Variants in DLGAP2 observed in about 807,000 individuals in gnomAD.
The protein encoded by DLGAP2 is DLG associated protein 2.
Under a neutral mutation model 100.3 loss-of-function variants are expected in DLGAP2, and 26 were observed. That is an observed-to-expected ratio of 0.26 (90% confidence interval 0.19 to 0.36). The LOEUF is 0.36. DLGAP2 is among the 10% of genes least tolerant of loss of function. The pLI, the probability that DLGAP2 is intolerant of heterozygous loss-of-function variation, is 1.00. For synonymous variants in DLGAP2, 886 were observed against 630.1 expected (o/e 1.41, Z -6.08); for missense variants, 1,858 against 1,453.2 (o/e 1.28, Z -4.53).
chr8:747,698 C>A (rs538284328), intron 1 of DLGAP2, among the ~76,000 whole-genome samples: 1 of 78,108 alleles, frequency 1.3e-5, no homozygotes, highest in East Asian at 3.8e-4. Context: ...GTGGGATGGG[C>A]GGGTCTGTGG....
intron 2 of DLGAP2, among the ~76,000 whole-genome samples, chr8:1,208,844 C>G (rs1337426807): frequency 2.0e-5 from 3 of 151,126 alleles, no homozygotes; most frequent in African/African-American, 7.3e-5. Context: ...AGAACTCCAC[C>G]CCTTTACAAT....
intron 4 of DLGAP2, among the ~76,000 whole-genome samples, chr8:1,507,526 G>A (rs1281363311): frequency 6.6e-6 from 1 of 152,070 alleles, no homozygotes; most frequent in East Asian, 1.9e-4. Context: ...CTCCCCGCAA[G>A]CAGAGGGAGC....
chr8:1,312,400 C>A (rs1477101090), intron 3 of DLGAP2, among the ~76,000 whole-genome samples: 1 of 152,150 alleles, frequency 6.6e-6, no homozygotes, highest in East Asian at 1.9e-4. Flanking sequence ...AAATGACAGA[C>A]CACAGATTTG....
intron 5 of DLGAP2, among the ~76,000 whole-genome samples, chr8:1,560,708 T>G (rs769477133): frequency 1.2e-4 from 18 of 152,374 alleles, no homozygotes; most frequent in Non-Finnish European, 2.1e-4. Context: ...TCTTTATTCT[T>G]CCTTAGTCAT....
At chr8:1,605,744 C>T (rs967834883) in intron 6 of DLGAP2, among the ~76,000 whole-genome samples, 17 of 152,308 alleles carry the variant, frequency 1.1e-4, no homozygotes, top group Middle Eastern at 3.4e-3. Context: ...GGGGTGAGAA[C>T]CGAAGCCAGC....
At chr8:1,548,352 G>A (rs56265038) in intron 4 of DLGAP2, among the ~76,000 whole-genome samples, 78,113 of 147,920 alleles carry the variant, frequency 0.53, 20,918 homozygotes, top group African/African-American at 0.61. Flanking sequence ...CCAGCTACTC[G>A]GGAGGCTGAG....
chr8:873,551 A>G (rs1029296131), intron 1 of DLGAP2, among the ~76,000 whole-genome samples: 2 of 152,120 alleles, frequency 1.3e-5, no homozygotes, highest in African/African-American at 2.4e-5. Context: ...ATAATTCTCT[A>G]TATATAATTG....
chr8:1,686,588 C>T (rs1799121122), intron 12 of DLGAP2, among the ~76,000 whole-genome samples: 2 of 151,998 alleles, frequency 1.3e-5, no homozygotes, highest in African/African-American at 2.4e-5. Context: ...ACAGGAGAAT[C>T]GCTTGAACCT....
At chr8:1,488,218 GC>G (rs988219093) in intron 3 of DLGAP2, among the ~76,000 whole-genome samples, 1 of 152,032 alleles carries the variant, frequency 6.6e-6, no homozygotes, top group African/African-American at 2.4e-5. Flanking sequence ...CCACCCCCCT[GC>G]AAACTCCCAC....
chr8:810,925 G>C (rs1043594422), intron 1 of DLGAP2, among the ~76,000 whole-genome samples: 9 of 152,242 alleles, frequency 5.9e-5, no homozygotes, highest in Non-Finnish European at 4.4e-5. Context: ...AGAGGTGGCT[G>C]TGGTTGGATG....
intron 1 of DLGAP2, among the ~76,000 whole-genome samples, chr8:868,464 T>C (rs1338062027): frequency 6.6e-6 from 1 of 152,224 alleles, no homozygotes; most frequent in Admixed American, 6.5e-5. Context: ...AGAAGGTCCC[T>C]GGTTGGCGCA....
intron 3 of DLGAP2, among the ~76,000 whole-genome samples, chr8:1,343,482 G>C (rs1039245072): frequency 1.1e-4 from 17 of 152,198 alleles, no homozygotes; most frequent in Non-Finnish European, 1.9e-4. Context: ...CCCTCAGAGG[G>C]AAAACTGGCA....
Position 973,112 on chromosome 8 carries a change from G to A in DLGAP2, c.73+65146G>A, listed in dbSNP as rs185029428. On this transcript the variant is annotated intron_variant, in intron 2 of 14. Coordinates refer to ENST00000637795, the MANE Select transcript of DLGAP2 (RefSeq NM_001346810.2). ...AAAACCGCCATCGTCATCATGGCCC[G>A]TTCTCAATGAGCTGTTGGGTACACC... Among the ~76,000 whole-genome samples, 423 of 152,336 alleles carry A rather than the reference G, an allele frequency of 2.8e-3. 2 individuals carry two copies. Among genetic ancestry groups the A allele is most frequent in the African/African-American group, 9.3e-3 (385 of 41,572 alleles).
rs558644388 is a variant in DLGAP2 at position 1,320,221 on chromosome 8, A to C, written c.106+61338A>C. On this transcript the variant is annotated intron_variant, in intron 3 of 14. Coordinates refer to ENST00000637795, the MANE Select transcript of DLGAP2 (RefSeq NM_001346810.2). ...CCGGAAATGGGGAAGGGTAAGGATG[A>C]AATGATTTGCAGGGGAAAGTTATGT... is the stretch of plus-strand genomic sequence containing the variant. 2.0e-5 allele frequency among the ~76,000 whole-genome samples: 3 copies of C among 152,174 alleles called. No individual in the cohort carries two copies. In the South Asian group the frequency reaches 6.2e-4, roughly 32 times the overall value.
Position 1,683,952 on chromosome 8 carries a change from GTGTATATATATATATATATATA to G in DLGAP2, c.2704+5325_2704+5346del, listed in dbSNP as rs1393973109. On this transcript the variant is annotated intron_variant, in intron 12 of 14. Coordinates refer to ENST00000637795, the MANE Select transcript of DLGAP2 (RefSeq NM_001346810.2). Reference sequence around the variant, plus strand: ...TGTATATATGTGTATATATATATGTGTGTATATATATATATATATATATATATATATATATACTTTTTTTTTT... The same window carrying G: ...TGTATATATGTGTATATATATATGTGTATATATATATATACTTTTTTTTTT... 7.1e-3 allele frequency among the ~76,000 whole-genome samples: 145 copies of G among 20,340 alleles called. 8 individuals are homozygous for G. The highest frequency in any genetic ancestry group is 0.028 in the African/African-American group (134 of 4,834). 13.3% of individuals were successfully genotyped at this position (20,340 alleles called of 152,430 possible). A position where few individuals can be genotyped will look rare whatever the true frequency, so the allele number is the denominator to read the frequency against.
intron 6 of DLGAP2, among the ~76,000 whole-genome samples, chr8:1,603,270 C>G (rs992135499): frequency 1.3e-5 from 2 of 148,498 alleles, no homozygotes; most frequent in Non-Finnish European, 3.0e-5. Flanking sequence ...GAGGCTGGGT[C>G]TCAGTTCTGT....
intron 1 of DLGAP2, among the ~76,000 whole-genome samples, chr8:768,930 G>A (rs890424938): frequency 6.6e-6 from 1 of 152,172 alleles, no homozygotes; most frequent in Non-Finnish European, 1.5e-5. Flanking sequence ...CAGGAGGCTG[G>A]CTCTGGTCTG....
At chr8:1,175,310 C>T (rs150836149) in intron 2 of DLGAP2, among the ~76,000 whole-genome samples, 1 of 152,010 alleles carries the variant, frequency 6.6e-6, no homozygotes, top group Non-Finnish European at 1.5e-5. Context: ...AAGATCAATA[C>T]ATGTACGTGT....
chr8:1,704,508 T>C lies in DLGAP2; in HGVS notation c.*3102T>C, dbSNP rs915686807. On this transcript the variant is annotated 3_prime_UTR_variant, in exon 15 of 15. Transcript: ENST00000637795. The stretch of plus-strand genomic sequence containing the variant: ...TTCCTTGTGATGCGTCTCTCGCATC[T>C]TCACGTGTTGTTGTGTTTGAAGTAA... 27 of 152,250 alleles carry C rather than the reference T, an allele frequency of 1.8e-4. No homozygotes were observed. The highest frequency in any genetic ancestry group is 6.3e-4 in the African/African-American group (26 of 41,462). 9.4% of individuals were successfully genotyped at this position (152,250 alleles called of 1,614,324 possible). A position where few individuals can be genotyped will look rare whatever the true frequency, so the allele number is the denominator to read the frequency against.
Sources: gnomAD v4.1 joint callset for allele counts (sites outside exome capture counted in the v4.1 genomes callset) on GRCh38, gnomAD v4.1.1 for gene constraint, MANE v1.5 for transcripts, NCBI Gene and HGNC (gene_info 2026-07-23, HGNC 2026-07-21) for gene names.